Variants in COTL1 observed in about 807,000 individuals in gnomAD.
COTL1 encodes the protein coactosin-like protein.
COTL1 carries 15 observed loss-of-function variants against 16.5 expected under a neutral mutation model. That is an observed-to-expected ratio of 0.91 (90% CI 0.61 to 1.40). COTL1 has a LOEUF of 1.40. COTL1 is among the 40% of genes most tolerant of loss of function. The pLI is 0.00. For missense variants in COTL1, 220 were observed against 201.5 expected, an observed-to-expected ratio of 1.09 and a Z score of -0.56; for synonymous variants, 112 against 85.3, an observed-to-expected ratio of 1.31 and a Z score of -1.73.
In COTL1 at chr16:84,590,436, C is replaced by T. The variant is rs1904836353; in HGVS notation, c.161-174G>A. On this transcript the variant is annotated intron_variant, in intron 2 of 3. Transcript: ENST00000262428. The surrounding 1 kb of genome is among the most constrained non-coding windows in gnomAD (Gnocchi z 5.5). Reference sequence around the variant, plus strand: ...AGGAGGGAAGCACTCATCCGCTGCCCTTGTCACACTCCCCTGAATCCTGGC... The same window carrying T: ...AGGAGGGAAGCACTCATCCGCTGCCTTTGTCACACTCCCCTGAATCCTGGC... The T allele has an allele frequency of 3.3e-6, 2 of 597,228 alleles. No individual in the cohort carries two copies. Among genetic ancestry groups the T allele is most frequent in the Admixed American group, 3.2e-5 (1 of 31,280 alleles). The allele number at this position is 597,228 out of a possible 1,614,324, so 37.0% of individuals were successfully genotyped here.
At chr16:84,576,076 AT>A (rs897876273) in intron 3 of COTL1, 1 of 152,126 alleles carries the variant, frequency 6.6e-6, no homozygotes, top group Non-Finnish European at 1.5e-5. Flanking sequence ...CCTAACGTTT[AT>A]TTTTTAACAA....
intron 3 of COTL1, among the ~76,000 whole-genome samples, chr16:84,578,337 A>G (rs933951842): frequency 3.9e-4 from 59 of 152,362 alleles, no homozygotes; most frequent in African/African-American, 1.4e-3. Flanking sequence ...ATTGCCAGTA[A>G]ATACCAGGCT....
At chr16:84,608,825 G>A (rs1905262756) in intron 2 of COTL1, among the ~76,000 whole-genome samples, 1 of 152,196 alleles carries the variant, frequency 6.6e-6, no homozygotes, top group Non-Finnish European at 1.5e-5. Context: ...AGAATCGCCT[G>A]AGCTGGGAGG....
At chr16:84,616,838 C>G (rs1905499052) in intron 2 of COTL1, among the ~76,000 whole-genome samples, 1 of 152,192 alleles carries the variant, frequency 6.6e-6, no homozygotes, top group African/African-American at 2.4e-5. Flanking sequence ...AACCCCCTCC[C>G]AGATCAACAA....
At chr16:84,600,155 C>A (rs1905080122) in intron 2 of COTL1, among the ~76,000 whole-genome samples, 1 of 152,106 alleles carries the variant, frequency 6.6e-6, no homozygotes, top group African/African-American at 2.4e-5. Context: ...TTCGTAACTC[C>A]CTGCAGTTGA....
chr16:84,591,453 G>A (rs1423524721), intron 2 of COTL1, among the ~76,000 whole-genome samples: 1 of 150,826 alleles, frequency 6.6e-6, no homozygotes, highest in Non-Finnish European at 1.5e-5. Context: ...CAAAGTGCTG[G>A]GATTACAGGC....
intron 2 of COTL1, among the ~76,000 whole-genome samples, chr16:84,603,568 A>C (rs4782640): frequency 0.46 from 70,497 of 151,922 alleles, 16,626 homozygotes; most frequent in East Asian, 0.58. Flanking sequence ...GGCCTGGCAC[A>C]CAGGAAGTGT....
chr16:84,610,084 G>A (rs1567540819), intron 2 of COTL1, among the ~76,000 whole-genome samples: 1 of 152,090 alleles, frequency 6.6e-6, no homozygotes, highest in Admixed American at 6.6e-5. Context: ...AGACAACACT[G>A]GTGTCTCCCA....
chr16:84,583,974 C>T (rs541380997), intron 3 of COTL1, among the ~76,000 whole-genome samples: 23 of 152,284 alleles, frequency 1.5e-4, no homozygotes, highest in Admixed American at 3.9e-4. Context: ...GTGAATGAAC[C>T]CATCCTGCAA....
chr16:84,570,456 TC>T (rs1303698454), intron 3 of COTL1, among the ~76,000 whole-genome samples: 2 of 147,648 alleles, frequency 1.4e-5, no homozygotes, highest in African/African-American at 5.0e-5. Context: ...AACAAAATTA[TC>T]TTTAAAAATG....
intron 3 of COTL1, among the ~76,000 whole-genome samples, chr16:84,571,135 A>C (rs1253042429): frequency 6.6e-6 from 1 of 152,208 alleles, no homozygotes; most frequent in Admixed American, 6.5e-5. Flanking sequence ...TTGTATTCAG[A>C]CATGAGCCTG....
At chr16:84,599,882 G>A (rs1462567433) in intron 2 of COTL1, among the ~76,000 whole-genome samples, 4 of 152,230 alleles carry the variant, frequency 2.6e-5, no homozygotes, top group Admixed American at 2.6e-4. Context: ...CCCAGAGCAA[G>A]GGGACAGCTG....
intron 2 of COTL1, among the ~76,000 whole-genome samples, chr16:84,592,710 C>G (rs1053987837): frequency 2.6e-5 from 4 of 152,188 alleles, no homozygotes; most frequent in Non-Finnish European, 5.9e-5. Context: ...CACAAACCAC[C>G]TGTCTACAGG....
rs181385720 is a variant in COTL1 at position 84,598,981 on chromosome 16, T to G, written c.161-8719A>C. Among the ~76,000 whole-genome samples, 913 of 151,838 alleles carry G rather than the reference T, an allele frequency of 6.0e-3. 12 individuals carry two copies. Among genetic ancestry groups the G allele is most frequent in the African/African-American group, 0.021 (861 of 41,376 alleles). On this transcript the variant is annotated intron_variant, in intron 2 of 3. Coordinates refer to ENST00000262428, the MANE Select transcript of COTL1 (RefSeq NM_021149.5). ...TAGGGAGGGGGGTAAAGGCAAGAATTACCTGTAATCACCAAAGCCACCAGG... is the reference window on the plus strand; with the variant it reads ...TAGGGAGGGGGGTAAAGGCAAGAATGACCTGTAATCACCAAAGCCACCAGG...
intron 2 of COTL1, among the ~76,000 whole-genome samples, chr16:84,614,214 G>T (rs190260411): frequency 5.3e-4 from 80 of 152,348 alleles, no homozygotes; most frequent in Non-Finnish European, 7.9e-4. Context: ...CATCCCAGGC[G>T]AACTGAGCTA....
At chr16:84,592,854 A>G (rs1418770991) in intron 2 of COTL1, among the ~76,000 whole-genome samples, 1 of 152,180 alleles carries the variant, frequency 6.6e-6, no homozygotes, top group Non-Finnish European at 1.5e-5. Context: ...GGAGCTAAGG[A>G]ACACGCAGCT....
At chr16:84,608,558 A>G (rs1213839650) in intron 2 of COTL1, among the ~76,000 whole-genome samples, 1 of 152,254 alleles carries the variant, frequency 6.6e-6, no homozygotes, top group Non-Finnish European at 1.5e-5. Flanking sequence ...GAGACTGGAT[A>G]GTGCAGAAAA....
chr16:84,583,309 G>C (rs981220061), intron 3 of COTL1, among the ~76,000 whole-genome samples: 15 of 152,212 alleles, frequency 9.9e-5, no homozygotes, highest in African/African-American at 3.6e-4. Flanking sequence ...CCTTCACAGA[G>C]TGTCAGGCAC....
At chr16:84,589,877 G>C (rs545682115) in intron 3 of COTL1, among the ~76,000 whole-genome samples, 2 of 152,298 alleles carry the variant, frequency 1.3e-5, no homozygotes, top group East Asian at 3.9e-4. Flanking sequence ...CCAAGCTTCT[G>C]TTATGGGATA....
Sources: gnomAD v4.1 joint callset for allele counts (sites outside exome capture counted in the v4.1 genomes callset) on GRCh38, gnomAD v4.1.1 for gene constraint, Gnocchi (gnomAD v3.1) non-coding constraint, MANE v1.5 for transcripts, NCBI Gene and HGNC (gene_info 2026-07-23, HGNC 2026-07-21) for gene names.